FAAH2: variants seen among roughly 807,000 people sequenced by gnomAD.
FAAH2 encodes the protein fatty-acid amide hydrolase 2.
Under a neutral mutation model 36.9 loss-of-function variants are expected in FAAH2, and 60 were observed. That is an observed-to-expected ratio of 1.63 (90% confidence interval 1.32 to 2.02). The LOEUF is 2.02. FAAH2 is among the 30% of genes most tolerant of loss of function. The pLI is 0.00. For missense variants in FAAH2, 689 were observed against 397.5 expected (o/e 1.73, Z -6.23); for synonymous variants, 214 against 143.8 (o/e 1.49, Z -3.49).
the FAAH2 span, among the ~76,000 whole-genome samples, chrX:57,274,157 T>C: frequency 2.7e-5 from 3 of 111,983 alleles, no homozygotes; most frequent in African/African-American, 9.7e-5. Flanking sequence ...CTAGAAAATC[T>C]AGAAGAAATG....
chrX:57,307,628 TA>T (rs750132332), intron 2 of FAAH2, among the ~76,000 whole-genome samples: 13 of 111,785 alleles, frequency 1.2e-4, no homozygotes, highest in African/African-American at 3.9e-4. Context: ...AGCCACATTT[TA>T]AAAATATAAT....
the FAAH2 span, among the ~76,000 whole-genome samples, chrX:57,144,896 A>G: frequency 1.1e-5 from 1 of 93,971 alleles, no homozygotes; most frequent in Non-Finnish European, 2.0e-5. Context: ...ATATATATAT[A>G]TATGTATGTA....
At chrX:57,468,598 T>A (rs143423080) in intron 10 of FAAH2, among the ~76,000 whole-genome samples, 211 of 111,782 alleles carry the variant, frequency 1.9e-3, no homozygotes, top group Middle Eastern at 9.1e-3. Context: ...TGGGACTATG[T>A]GAAAAGACCA....
chrX:57,430,029 A>G (rs958524682), intron 7 of FAAH2, among the ~76,000 whole-genome samples: 20 of 111,383 alleles, frequency 1.8e-4, no homozygotes, highest in Non-Finnish European at 3.4e-4. Context: ...TGGAGACTCA[A>G]AAGGATGGGA....
At chrX:57,469,633 C>G (rs774826768) in intron 10 of FAAH2, among the ~76,000 whole-genome samples, 1 of 111,634 alleles carries the variant, frequency 9.0e-6, no homozygotes, top group East Asian at 2.8e-4. Context: ...GAATTACACT[C>G]CAACACAATA....
chrX:57,128,057 T>A, the FAAH2 span, among the ~76,000 whole-genome samples: 1 of 111,904 alleles, frequency 8.9e-6, no homozygotes, highest in East Asian at 2.8e-4. Flanking sequence ...CCCCCAGCTA[T>A]TTTTGCTATT....
intron 3 of FAAH2, among the ~76,000 whole-genome samples, chrX:57,317,542 C>T (rs971926519): frequency 9.0e-6 from 1 of 111,576 alleles, no homozygotes; most frequent in Non-Finnish European, 1.9e-5. Flanking sequence ...AACAAAGAGA[C>T]TTAGAGTCCT....
At chrX:57,468,797 C>T (rs1460985469) in intron 10 of FAAH2, among the ~76,000 whole-genome samples, 6 of 111,308 alleles carry the variant, frequency 5.4e-5, no homozygotes, top group East Asian at 2.8e-4. Context: ...ACATAATTGT[C>T]AGATTCACCA....
intron 5 of FAAH2, among the ~76,000 whole-genome samples, chrX:57,374,302 C>T (rs1402128308): frequency 9.0e-6 from 1 of 111,422 alleles, no homozygotes; most frequent in Non-Finnish European, 1.9e-5. Context: ...TTGCTTTTGG[C>T]AGTATGGTAT....
the FAAH2 span, among the ~76,000 whole-genome samples, chrX:57,225,020 G>T: frequency 8.9e-6 from 1 of 111,936 alleles, no homozygotes; most frequent in Non-Finnish European, 1.9e-5. Context: ...AGGTTATTTG[G>T]ATAGTCTCTC....
the FAAH2 span, among the ~76,000 whole-genome samples, chrX:57,186,180 C>G: frequency 8.9e-6 from 1 of 112,039 alleles, no homozygotes; most frequent in Admixed American, 9.4e-5. Flanking sequence ...AATTTACACT[C>G]CCACAAACAG....
intron 7 of FAAH2, among the ~76,000 whole-genome samples, chrX:57,407,331 A>G (rs1404222557): frequency 8.9e-6 from 1 of 111,794 alleles, no homozygotes; most frequent in Non-Finnish European, 1.9e-5. Flanking sequence ...TGTGAGTACA[A>G]CTGCAGGAGC....
chrX:57,189,828 C>G, the FAAH2 span, among the ~76,000 whole-genome samples: 1 of 112,087 alleles, frequency 8.9e-6, no homozygotes, highest in Admixed American at 9.4e-5. Flanking sequence ...CTGTCAACCC[C>G]TCTTGGGAGG....
chrX:57,361,735 T>A (rs1170327417), intron 5 of FAAH2, among the ~76,000 whole-genome samples: 1 of 111,680 alleles, frequency 9.0e-6, no homozygotes, highest in Non-Finnish European at 1.9e-5. Flanking sequence ...GTCCATGAAA[T>A]GATGAGAAGG....
chrX:57,466,666 T>C (rs1337920154), intron 10 of FAAH2, among the ~76,000 whole-genome samples: 1 of 111,028 alleles, frequency 9.0e-6, no homozygotes, highest in Non-Finnish European at 1.9e-5. Context: ...TTCAAATAGA[T>C]TGAAACTAAA....
chrX:57,406,217 A>G (rs1447566275), intron 7 of FAAH2, among the ~76,000 whole-genome samples: 1 of 112,143 alleles, frequency 8.9e-6, no homozygotes, highest in East Asian at 2.8e-4. Flanking sequence ...TTGGCTATAT[A>G]TAACTTTTGT....
chrX:57,331,903 C>T, intron 4 of FAAH2, 96 bp downstream of exon 4: 1 of 856,571 alleles, frequency 1.2e-6, no homozygotes, highest in Non-Finnish European at 1.6e-6. Context: ...CATCTATGAC[C>T]TATAAGAATG....
chrX:57,310,349 T>C (rs756112196), intron 2 of FAAH2, among the ~76,000 whole-genome samples: 21 of 111,875 alleles, frequency 1.9e-4, no homozygotes, highest in Admixed American at 1.2e-3. Flanking sequence ...TTTTCTAATA[T>C]AAATAATGAT....
chrX:57,427,904 G>A (rs1260018956), intron 7 of FAAH2, among the ~76,000 whole-genome samples: 1 of 111,050 alleles, frequency 9.0e-6, no homozygotes, highest in Non-Finnish European at 1.9e-5. Flanking sequence ...TTGTAGCCAG[G>A]GCAGTCAGGC....
Sources: allele counts gnomAD v4.1 joint callset (sites outside exome capture counted in the v4.1 genomes callset), GRCh38; gene constraint gnomAD v4.1.1; transcripts MANE v1.5; gene names NCBI Gene and HGNC (gene_info 2026-07-23, HGNC 2026-07-21).